Variants in SORCS2 observed in about 807,000 individuals in gnomAD.
The protein encoded by SORCS2 is VPS10 domain-containing receptor SorCS2.
Under a neutral mutation model 141.6 loss-of-function variants are expected in SORCS2, and 100 were observed. The ratio of observed to expected loss-of-function variants is 0.71; its 90% CI spans 0.60 to 0.83. The LOEUF (loss-of-function observed/expected upper bound fraction) is 0.83, where lower values mean the gene tolerates loss of function less well. Ranked by LOEUF, SORCS2 falls within the 40% of genes least tolerant of loss-of-function variation. The pLI, the probability that SORCS2 is intolerant of heterozygous loss-of-function variation, is 0.00. For synonymous variants in SORCS2, 789 were observed against 676.9 expected, an observed-to-expected ratio of 1.17 and a Z score of -2.57; for missense variants, 1,646 against 1,560.2, an observed-to-expected ratio of 1.05 and a Z score of -0.93.
intron 3 of SORCS2, among the ~76,000 whole-genome samples, chr4:7,577,499 G>C (rs1189288693): frequency 6.6e-6 from 1 of 151,626 alleles, no homozygotes; most frequent in African/African-American, 2.4e-5. Flanking sequence ...GGTGAAGTCA[G>C]CTAGTGCCAT....
intron 1 of SORCS2, among the ~76,000 whole-genome samples, chr4:7,344,503 C>T (rs1443802735): frequency 1.3e-5 from 2 of 152,222 alleles, no homozygotes; most frequent in Non-Finnish European, 2.9e-5. Flanking sequence ...GTCCACAGAA[C>T]AGCCCTAGTG....
chr4:7,553,147 G>T (rs1430375046), intron 3 of SORCS2, among the ~76,000 whole-genome samples: 1 of 152,138 alleles, frequency 6.6e-6, no homozygotes, highest in African/African-American at 2.4e-5. Flanking sequence ...GCTGGGCTGG[G>T]AGGGCAACAG....
intron 8 of SORCS2, among the ~76,000 whole-genome samples, chr4:7,671,404 C>G (rs1282381345): frequency 6.6e-6 from 1 of 151,584 alleles, no homozygotes; most frequent in Non-Finnish European, 1.5e-5. Context: ...ATCTACTAGA[C>G]AAAGACTTCA....
intron 1 of SORCS2, among the ~76,000 whole-genome samples, chr4:7,261,912 T>C (rs1290094229): frequency 6.6e-6 from 1 of 152,240 alleles, no homozygotes; most frequent in African/African-American, 2.4e-5. Context: ...TTGTGTCGAC[T>C]GGGAAATTTG....
chr4:7,664,550 G>A lies in SORCS2; in HGVS notation c.1071+79G>A, dbSNP rs562550762. On this transcript the variant is annotated intron_variant, in intron 7 of 26. Transcript: ENST00000507866. This position sits in a 1 kb window ranked among gnomAD's most constrained non-coding sequence, Gnocchi z 4.7. Reference sequence around the variant, plus strand: ...ACCCGTTCGCGGCAAAAATGGCATCGCTCAGAAAAGAGGCAATAAAACGGG... The same window carrying A: ...ACCCGTTCGCGGCAAAAATGGCATCACTCAGAAAAGAGGCAATAAAACGGG... 18 of 1,007,416 alleles carry A rather than the reference G, an allele frequency of 1.8e-5. No individual in the cohort carries two copies. Among genetic ancestry groups the A allele is most frequent in the Admixed American group, 1.7e-4 (7 of 41,806 alleles). The allele number at this position is 1,007,416 out of a possible 1,614,324, so 62.4% of individuals were successfully genotyped here.
Position 7,741,293 on chromosome 4 carries a change from A to T in SORCS2, c.*1029A>T, listed in dbSNP as rs1712649511. 1.3e-5 allele frequency: 5 copies of T among 398,868 alleles called. No individual in the cohort carries two copies. The Admixed American group carries it at 1.3e-4, about 11-fold the overall frequency. 24.7% of individuals were successfully genotyped at this position (398,868 alleles called of 1,614,324 possible). On this transcript the variant is annotated 3_prime_UTR_variant, in exon 27 of 27. Coordinates refer to ENST00000507866, the MANE Select transcript of SORCS2 (RefSeq NM_020777.3). ...TGACCCTCATTTTCAAGAAGGGGAA[A>T]CTGAGGCCCAGGGAGGAGAGTAACT...
chr4:7,453,028 ATGTTGGGGTCAGGT>A (rs1728581775), intron 2 of SORCS2, among the ~76,000 whole-genome samples: 1 of 66,110 alleles, frequency 1.5e-5, no homozygotes. Context: ...GTCAGGCTCC[ATGTTGGGGTCAGGT>A]GCTGTGTGTT....
Position 7,664,312 on chromosome 4 carries a change from G to T in SORCS2, c.953-41G>T. On this transcript the variant is annotated intron_variant, in intron 6 of 26. Coordinates refer to ENST00000507866, the MANE Select transcript of SORCS2 (RefSeq NM_020777.3). This position sits in a 1 kb window ranked among gnomAD's most constrained non-coding sequence, Gnocchi z 4.7. ...ATGTCTCGGGCCGTCTCTGGCTCCG[G>T]CTGGAGTCTGACCGCCTGGGTCGGC... is the stretch of plus-strand genomic sequence containing the variant. The T allele has an allele frequency of 4.5e-6, 7 of 1,556,702 alleles. No individual in the cohort carries two copies. Among genetic ancestry groups the T allele is most frequent in the Non-Finnish European group, 6.2e-6 (7 of 1,134,902 alleles).
intron 1 of SORCS2, among the ~76,000 whole-genome samples, chr4:7,393,724 AC>A (rs1724015802): frequency 6.6e-6 from 1 of 152,034 alleles, no homozygotes; most frequent in African/African-American, 2.4e-5. Flanking sequence ...CAGGGCTGAA[AC>A]CAGTGGTTAT....
chr4:7,335,550 G>A (rs529855398), intron 1 of SORCS2, among the ~76,000 whole-genome samples: 1 of 152,172 alleles, frequency 6.6e-6, no homozygotes, highest in African/African-American at 2.4e-5. Context: ...CATCTGTCGG[G>A]GCACCCGAGG....
chr4:7,501,326 T>C (rs1731964749), intron 2 of SORCS2, among the ~76,000 whole-genome samples: 1 of 147,920 alleles, frequency 6.8e-6, no homozygotes, highest in Non-Finnish European at 1.5e-5. Flanking sequence ...CTTTTTATTG[T>C]TCTTTCTTGG....
intron 1 of SORCS2, among the ~76,000 whole-genome samples, chr4:7,272,196 A>AC (rs1715190356): frequency 6.6e-6 from 1 of 152,224 alleles, no homozygotes; most frequent in Non-Finnish European, 1.5e-5. Context: ...GATAGTATTA[A>AC]AAGGCTGCGG....
At chr4:7,223,072 T>C (rs941994490) in intron 1 of SORCS2, among the ~76,000 whole-genome samples, 1 of 152,118 alleles carries the variant, frequency 6.6e-6, no homozygotes, top group African/African-American at 2.4e-5. Context: ...ATTTGTATTG[T>C]ATTAAAAACA....
rs139391685 is a variant in SORCS2, at chr4:7,396,949, T to A, written c.548+594T>A. Among the ~76,000 whole-genome samples, 96 of 152,246 alleles carry A rather than the reference T, an allele frequency of 6.3e-4. 1 individual carries two copies. The highest frequency in any genetic ancestry group is 5.3e-4 in the Non-Finnish European group (36 of 68,020). ...TTTTGGTTATCATCCTCCTCAATAT[T>A]TACATCCACTCACCCAGGAAGGGTA... On this transcript the variant is annotated intron_variant, in intron 2 of 26. Coordinates refer to ENST00000507866, the MANE Select transcript of SORCS2 (RefSeq NM_020777.3).
chr4:7,726,811 C>A lies in SORCS2; in HGVS notation c.2777C>A (p.Thr926Lys). ...CTTTCCCTGGATAATTCTGTGACAA[C>A]GCGGTTTTCGGACACGGGCGACGTG... ...PLLSLDNSVT[T>K]RFSDTGDVRV... Residue 926 changes from threonine (T) to lysine (K), a missense_variant, in exon 21 of 27, where the codon ACG becomes AAG. By Grantham distance (78) the Thr-to-Lys change is moderately conservative. Transcript: ENST00000507866. 2.5e-6 allele frequency: 4 copies of A among 1,613,814 alleles called. No homozygotes were observed. The highest frequency in any genetic ancestry group is 1.3e-5 in the African/African-American group (1 of 75,030).
intron 9 of SORCS2, among the ~76,000 whole-genome samples, chr4:7,677,321 C>T (rs578237116): frequency 7.9e-5 from 12 of 152,350 alleles, no homozygotes; most frequent in Admixed American, 2.0e-4. Context: ...CCGGCCAGGC[C>T]GCTCACAGGC....
At chr4:7,481,109 G>T (rs533481044) in intron 2 of SORCS2, among the ~76,000 whole-genome samples, 1 of 152,346 alleles carries the variant, frequency 6.6e-6, no homozygotes, top group South Asian at 2.1e-4. Context: ...TGCCTGGAGG[G>T]CCCTGTGAGC....
In SORCS2 at chr4:7,198,473, C is replaced by T. The variant is rs189275506; in HGVS notation, c.480+5347C>T. 4.2e-3 allele frequency among the ~76,000 whole-genome samples: 646 copies of T among 152,234 alleles called. 15 individuals carry two copies. The highest frequency in any genetic ancestry group is 0.038 in the Admixed American group (588 of 15,284). On this transcript the variant is annotated intron_variant, in intron 1 of 26. Transcript: ENST00000507866. Reference sequence around the variant, plus strand: ...GTGCGTTACTCTGGAATTCTAGGCCCACATGGTGTGGGCCTCCCAGCATTT... The same window carrying T: ...GTGCGTTACTCTGGAATTCTAGGCCTACATGGTGTGGGCCTCCCAGCATTT...
intron 2 of SORCS2, among the ~76,000 whole-genome samples, chr4:7,445,264 A>G (rs1420488095): frequency 6.6e-6 from 1 of 152,166 alleles, no homozygotes; most frequent in Non-Finnish European, 1.5e-5. Flanking sequence ...AGACCTGAGG[A>G]GCAAGTACAG....
Sources: allele counts gnomAD v4.1 joint callset (sites outside exome capture counted in the v4.1 genomes callset), GRCh38; gene constraint gnomAD v4.1.1; non-coding constraint Gnocchi (gnomAD v3.1); transcripts MANE v1.5; gene names NCBI Gene and HGNC (gene_info 2026-07-23, HGNC 2026-07-21).